The following PDZRN4 variants were observed in gnomAD, a reference collection of about 807,000 sequenced individuals.
PDZRN4 encodes PDZ domain-containing RING finger protein 4.
PDZRN4 carries 70 observed loss-of-function variants against 99.0 expected under a neutral mutation model. That is an observed-to-expected ratio of 0.71 (90% CI 0.58 to 0.86). The LOEUF is 0.86. Among genes scored for constraint, PDZRN4 ranks in the 40% least tolerant of loss-of-function variants. The probability of loss-of-function intolerance (pLI) is 0.00; values close to 1 mark genes in which losing one functional copy is unlikely to be tolerated. For missense variants in PDZRN4, 1,474 were observed against 1,331.2 expected (o/e 1.11, Z -1.67); for synonymous variants, 551 against 501.6 (o/e 1.10, Z -1.32).
Position 41,188,622 on chromosome 12 carries a change from G to A in PDZRN4, c.167G>A (p.Cys56Tyr). ...AVRRRRCPLQ[C>Y]QPLAPGELYR... is the part of the protein sequence containing the mutation. ...CGGAGGCGCCGGTGCCCGCTGCAGT[G>A]CCAGCCCTTGGCGCCCGGCGAGCTG... Residue 56 changes from cysteine (C) to tyrosine (Y), a missense_variant, in exon 1 of 10, where the codon TGC (cysteine) becomes TAC (tyrosine). Physicochemically the swap from Cys to Tyr is radical, Grantham distance 194. Coordinates refer to ENST00000402685, the MANE Select transcript of PDZRN4 (RefSeq NM_001164595.2). The A allele has an allele frequency of 6.5e-7, 1 of 1,539,682 alleles. No individual in the cohort carries two copies. The highest frequency in any genetic ancestry group is 8.7e-7 in the Non-Finnish European group (1 of 1,149,618).
chr12:41,552,160 C>T (rs1317191460), intron 5 of PDZRN4, among the ~76,000 whole-genome samples: 1 of 152,078 alleles, frequency 6.6e-6, no homozygotes, highest in African/African-American at 2.4e-5. Flanking sequence ...TGCTTATTAT[C>T]ATATTGTGTA....
chr12:41,257,766 T>C (rs1039817093), intron 3 of PDZRN4, among the ~76,000 whole-genome samples: 19 of 152,212 alleles, frequency 1.2e-4, no homozygotes, highest in African/African-American at 4.3e-4. Context: ...GGAGGAGATA[T>C]TCTCAAATGG....
chr12:41,189,491 A>G (rs1950721571), intron 1 of PDZRN4, among the ~76,000 whole-genome samples: 1 of 152,086 alleles, frequency 6.6e-6, no homozygotes, highest in South Asian at 2.1e-4. Context: ...GAAAGACAGA[A>G]AGCGAAGACT....
chr12:41,264,833 T>C (rs1951265599), intron 3 of PDZRN4, among the ~76,000 whole-genome samples: 1 of 152,186 alleles, frequency 6.6e-6, no homozygotes, highest in Non-Finnish European at 1.5e-5. Context: ...GCCATTATCT[T>C]AAGTGAATTA....
Position 41,236,693 on chromosome 12 carries a change from TG to T in PDZRN4, c.843+42506del, listed in dbSNP as rs1336047633. On this transcript the variant is annotated intron_variant, in intron 3 of 9. Coordinates refer to ENST00000402685, the MANE Select transcript of PDZRN4 (RefSeq NM_001164595.2). Reference sequence around the variant, plus strand: ...TCATAGCATATGACAGTCTGGGGATTGTTTTTTTGTTTCTTTTTGCCAATAT... The same window carrying T: ...TCATAGCATATGACAGTCTGGGGATTTTTTTTTGTTTCTTTTTGCCAATAT... 3.3e-5 allele frequency among the ~76,000 whole-genome samples: 5 copies of T among 152,208 alleles called. 1 individual carries two copies. The highest frequency in any genetic ancestry group is 2.6e-4 in the Admixed American group (4 of 15,270).
intron 3 of PDZRN4, among the ~76,000 whole-genome samples, chr12:41,321,947 C>G (rs1350066750): frequency 1.3e-5 from 2 of 152,096 alleles, no homozygotes; most frequent in Admixed American, 1.3e-4. Flanking sequence ...CCTCTCCACC[C>G]AGAAAGCATA....
chr12:41,505,590 A>G (rs1938192030), intron 3 of PDZRN4, among the ~76,000 whole-genome samples: 1 of 152,144 alleles, frequency 6.6e-6, no homozygotes, highest in Non-Finnish European at 1.5e-5. Flanking sequence ...CTGGCATAGG[A>G]GAGTCCCACA....
At chr12:41,247,964 C>T (rs553675984) in intron 3 of PDZRN4, among the ~76,000 whole-genome samples, 2 of 108,520 alleles carry the variant, frequency 1.8e-5, no homozygotes, top group African/African-American at 5.7e-5. Context: ...TGAAGGCTCA[C>T]AGACGTGAAA....
At chr12:41,481,466 T>G (rs919953798) in intron 3 of PDZRN4, among the ~76,000 whole-genome samples, 2 of 152,164 alleles carry the variant, frequency 1.3e-5, no homozygotes, top group African/African-American at 4.8e-5. Context: ...ATCTGCCCCT[T>G]ACTCCCTCTC....
intron 5 of PDZRN4, among the ~76,000 whole-genome samples, chr12:41,514,527 T>A (rs1038792876): frequency 1.3e-5 from 2 of 152,086 alleles, no homozygotes; most frequent in African/African-American, 4.8e-5. Context: ...GTCCCTAGCA[T>A]GATGCATGTA....
chr12:41,230,780 A>G (rs1951023452), intron 3 of PDZRN4, among the ~76,000 whole-genome samples: 1 of 152,118 alleles, frequency 6.6e-6, no homozygotes, highest in Admixed American at 6.6e-5. Context: ...AGAAAAAAAT[A>G]GATTTTTGTC....
chr12:41,378,761 G>A (rs1356641182), intron 3 of PDZRN4, among the ~76,000 whole-genome samples: 1 of 152,204 alleles, frequency 6.6e-6, no homozygotes, highest in African/African-American at 2.4e-5. Flanking sequence ...GACCTCAGGT[G>A]ATCTGCCCAC....
intron 3 of PDZRN4, among the ~76,000 whole-genome samples, chr12:41,420,450 C>T (rs1243057750): frequency 1.3e-5 from 2 of 152,090 alleles, no homozygotes; most frequent in African/African-American, 2.4e-5. Flanking sequence ...TTGTCTGCTG[C>T]CTCCACCTCA....
intron 3 of PDZRN4, among the ~76,000 whole-genome samples, chr12:41,471,897 T>G (rs1952994599): frequency 7.5e-6 from 1 of 133,964 alleles, no homozygotes. Flanking sequence ...CCTAAGTAAT[T>G]ATATTTCTAA....
intron 7 of PDZRN4, among the ~76,000 whole-genome samples, chr12:41,560,239 G>A (rs1939247077): frequency 2.6e-5 from 4 of 152,240 alleles, no homozygotes; most frequent in Middle Eastern, 6.8e-3. Context: ...ATGGTTGGAT[G>A]TCAAGAATTT....
Position 41,572,352 on chromosome 12 carries a change from T to A in PDZRN4, c.1585-12T>A, listed in dbSNP as rs369424922. 2.8e-5 allele frequency: 44 copies of A among 1,584,776 alleles called. No homozygotes were observed. The highest frequency in any genetic ancestry group is 3.7e-5 in the Non-Finnish European group (43 of 1,163,194). On this transcript the variant is annotated splice_polypyrimidine_tract_variant and intron_variant, in intron 9 of 9. Coordinates refer to ENST00000402685, the MANE Select transcript of PDZRN4 (RefSeq NM_001164595.2). ...ATTAATTTTCTTTGTTCTTTCAACA[T>A]CATTTTCTTAGCCAAAAAAGCAAGA...
At chr12:41,534,936 G>A (rs1449982148) in intron 5 of PDZRN4, among the ~76,000 whole-genome samples, 1 of 151,006 alleles carries the variant, frequency 6.6e-6, no homozygotes, top group Non-Finnish European at 1.5e-5. Flanking sequence ...GTGTCTTTGT[G>A]TGCATTCTAG....
At chr12:41,333,820 T>C (rs547973579) in intron 3 of PDZRN4, among the ~76,000 whole-genome samples, 1 of 152,288 alleles carries the variant, frequency 6.6e-6, no homozygotes, top group South Asian at 2.1e-4. Flanking sequence ...GTGGGGTTTA[T>C]CATATTTAAC....
chr12:41,233,107 A>G (rs564829562), intron 3 of PDZRN4, among the ~76,000 whole-genome samples: 28 of 152,204 alleles, frequency 1.8e-4, no homozygotes, highest in African/African-American at 6.5e-4. Flanking sequence ...AAAACAAACA[A>G]CCCCATCAAA....
Sources: gnomAD v4.1 joint callset for allele counts (sites outside exome capture counted in the v4.1 genomes callset) on GRCh38, gnomAD v4.1.1 for gene constraint, MANE v1.5 for transcripts, NCBI Gene and HGNC (gene_info 2026-07-23, HGNC 2026-07-21) for gene names.